NOL4: variants seen among roughly 807,000 people sequenced by gnomAD.
NOL4 encodes cancer/testis antigen 125.
A neutral mutation model predicts 75.9 loss-of-function variants in NOL4; 17 were observed. The observed-to-expected ratio is 0.22, with a 90% CI of 0.15 to 0.34. The LOEUF (loss-of-function observed/expected upper bound fraction) is 0.34, where lower values mean the gene tolerates loss of function less well. Ranked by LOEUF, NOL4 falls within the 10% of genes least tolerant of loss-of-function variation. NOL4 has a pLI of 1.00. For missense variants in NOL4, 614 were observed against 793.5 expected, an observed-to-expected ratio of 0.77 and a Z score of 2.72; for synonymous variants, 292 against 289.9, an observed-to-expected ratio of 1.01 and a Z score of -0.07.
At chr18:34,110,071 A>T (rs1234152379) in intron 2 of NOL4, among the ~76,000 whole-genome samples, 1 of 147,952 alleles carries the variant, frequency 6.8e-6, no homozygotes, top group Non-Finnish European at 1.5e-5. Context: ...TCTACCAAAC[A>T]TTCCAAGAAG....
chr18:34,153,681 T>TA (rs2029866552), intron 1 of NOL4, among the ~76,000 whole-genome samples: 1 of 151,916 alleles, frequency 6.6e-6, no homozygotes, highest in Non-Finnish European at 1.5e-5. Context: ...CAGAGACACA[T>TA]ATGAATTGCA....
At chr18:34,029,460 C>T (rs1373816686) in intron 5 of NOL4, among the ~76,000 whole-genome samples, 1 of 152,134 alleles carries the variant, frequency 6.6e-6, no homozygotes, top group Non-Finnish European at 1.5e-5. Context: ...TCAAAGCAAG[C>T]CCAGGTTACC....
At chr18:33,853,712 A>G (rs1045220860) in intron 10 of NOL4, among the ~76,000 whole-genome samples, 4 of 152,092 alleles carry the variant, frequency 2.6e-5, no homozygotes, top group Non-Finnish European at 5.9e-5. Flanking sequence ...TACTGCAAAC[A>G]ATACCACAGA....
intron 10 of NOL4, among the ~76,000 whole-genome samples, chr18:33,868,546 C>T (rs963960366): frequency 1.3e-5 from 2 of 151,876 alleles, no homozygotes; most frequent in African/African-American, 4.8e-5. Context: ...AAGACATGTT[C>T]ACTATAACAT....
intron 2 of NOL4, among the ~76,000 whole-genome samples, chr18:34,118,005 G>C (rs1167299464): frequency 6.6e-6 from 1 of 152,160 alleles, no homozygotes; most frequent in Non-Finnish European, 1.5e-5. Context: ...AAAAAATGAT[G>C]AGTGTTCCTA....
In NOL4 at chr18:34,223,343, T is replaced by C. The variant is rs775500546; in HGVS notation, c.-90A>G. The C allele has an allele frequency of 1.4e-5, 21 of 1,526,074 alleles. No homozygotes were observed. Among genetic ancestry groups the C allele is most frequent in the Non-Finnish European group, 1.8e-5 (21 of 1,138,292 alleles). 94.5% of individuals were successfully genotyped at this position (1,526,074 alleles called of 1,614,324 possible). On this transcript the variant is annotated 5_prime_UTR_variant, in exon 1 of 11. Coordinates refer to ENST00000261592, the MANE Select transcript of NOL4 (RefSeq NM_003787.5). ...CATGAAAAATGCAGCCCCGGCCACG[T>C]TGCAGGGATGCGAGGTCCCGGCCGC...
intron 2 of NOL4, among the ~76,000 whole-genome samples, chr18:34,129,274 C>T (rs905772619): frequency 1.3e-5 from 2 of 151,746 alleles, no homozygotes; most frequent in African/African-American, 4.8e-5. Flanking sequence ...ACAAAAACAT[C>T]ATATACTTCC....
intron 2 of NOL4, among the ~76,000 whole-genome samples, chr18:34,113,122 A>G (rs2079682107): frequency 6.6e-6 from 1 of 151,856 alleles, no homozygotes; most frequent in African/African-American, 2.4e-5. Flanking sequence ...GGTGCGGACC[A>G]CTAAGCCCAA....
At chr18:33,984,103 C>CA (rs905282003) in intron 6 of NOL4, among the ~76,000 whole-genome samples, 3 of 151,160 alleles carry the variant, frequency 2.0e-5, no homozygotes, top group East Asian at 3.9e-4. Flanking sequence ...GTGAGAGGGT[C>CA]AAAAAAAATG....
intron 1 of NOL4, among the ~76,000 whole-genome samples, chr18:34,132,352 G>T (rs2080691726): frequency 6.6e-6 from 1 of 152,180 alleles, no homozygotes; most frequent in African/African-American, 2.4e-5. Context: ...CTACCAATGG[G>T]TATGAGTTAG....
chr18:34,147,009 GCTCT>G (rs1422486856), intron 1 of NOL4, among the ~76,000 whole-genome samples: 2 of 151,928 alleles, frequency 1.3e-5, no homozygotes, highest in East Asian at 1.9e-4. Flanking sequence ...TCATGATTTG[GCTCT>G]CTGTTTGTCT....
intron 9 of NOL4, among the ~76,000 whole-genome samples, chr18:33,921,410 T>G (rs1244036055): frequency 6.6e-6 from 1 of 152,176 alleles, no homozygotes; most frequent in Non-Finnish European, 1.5e-5. Context: ...GGTTGAATTG[T>G]GTCCCCACAA....
At chr18:33,863,592 A>T (rs2063284938) in intron 10 of NOL4, among the ~76,000 whole-genome samples, 1 of 151,910 alleles carries the variant, frequency 6.6e-6, no homozygotes. Flanking sequence ...ATCTTCTTTG[A>T]CTCATGTCTC....
At chr18:34,096,036 C>T (rs530312558) in intron 4 of NOL4, among the ~76,000 whole-genome samples, 9 of 151,914 alleles carry the variant, frequency 5.9e-5, no homozygotes, top group African/African-American at 2.2e-4. Flanking sequence ...AGCCTCTGTT[C>T]TATGAAATGG....
intron 1 of NOL4, among the ~76,000 whole-genome samples, chr18:34,210,152 T>G (rs1287557609): frequency 1.3e-5 from 2 of 152,188 alleles, no homozygotes; most frequent in Non-Finnish European, 2.9e-5. Flanking sequence ...TGTATAATTA[T>G]TTGCTAAACT....
intron 6 of NOL4, among the ~76,000 whole-genome samples, chr18:33,990,657 T>C (rs2072853270): frequency 6.6e-6 from 1 of 152,054 alleles, no homozygotes; most frequent in African/African-American, 2.4e-5. Flanking sequence ...GAAATCTGTG[T>C]TATCCAATTA....
At chr18:33,966,450 A>G (rs1011812844) in intron 6 of NOL4, among the ~76,000 whole-genome samples, 3 of 152,322 alleles carry the variant, frequency 2.0e-5, no homozygotes, top group African/African-American at 7.2e-5. Context: ...TAGCCAGAGC[A>G]ATCAGACAAA....
intron 5 of NOL4, among the ~76,000 whole-genome samples, chr18:34,090,166 G>A (rs1324950434): frequency 1.3e-5 from 2 of 151,972 alleles, no homozygotes; most frequent in African/African-American, 4.8e-5. Flanking sequence ...ATTGTCAGAA[G>A]GAAGGACAGA....
chr18:34,102,776 A>T (rs749854139), intron 4 of NOL4, among the ~76,000 whole-genome samples: 5 of 151,974 alleles, frequency 3.3e-5, no homozygotes, highest in African/African-American at 7.2e-5. Flanking sequence ...ATTTTTTTCA[A>T]CTATATAATG....
Sources: allele counts gnomAD v4.1 joint callset (sites outside exome capture counted in the v4.1 genomes callset), GRCh38; gene constraint gnomAD v4.1.1; transcripts MANE v1.5; gene names NCBI Gene and HGNC (gene_info 2026-07-23, HGNC 2026-07-21).